Variants in GPD1L observed in about 807,000 individuals in gnomAD.
The protein encoded by GPD1L is glycerol-3-phosphate dehydrogenase 1-like protein.
GPD1L carries 17 observed loss-of-function variants against 32.9 expected under a neutral mutation model. That is an observed-to-expected ratio of 0.52 (90% CI 0.35 to 0.78). The LOEUF (loss-of-function observed/expected upper bound fraction) is 0.78, where lower values mean the gene tolerates loss of function less well. Ranked by LOEUF, GPD1L falls within the 30% of genes least tolerant of loss-of-function variation. GPD1L has a pLI of 0.01. For missense variants in GPD1L, 361 were observed against 447.8 expected (o/e 0.81, Z 1.75); for synonymous variants, 187 against 165.9 (o/e 1.13, Z -0.98).
chr3:32,153,292 C>G (rs1334372926), intron 5 of GPD1L, among the ~76,000 whole-genome samples: 1 of 152,170 alleles, frequency 6.6e-6, no homozygotes, highest in African/African-American at 2.4e-5. Flanking sequence ...ATGCTAGCCA[C>G]TAGACATATG....
chr3:32,133,875 C>T (rs919671291), intron 2 of GPD1L, among the ~76,000 whole-genome samples: 3 of 152,212 alleles, frequency 2.0e-5, no homozygotes, highest in Admixed American at 6.5e-5. Flanking sequence ...TCCACACAGA[C>T]TTCACCAGCT....
intron 5 of GPD1L, among the ~76,000 whole-genome samples, chr3:32,156,649 G>C (rs906756691): frequency 8.6e-5 from 13 of 151,970 alleles, no homozygotes; most frequent in African/African-American, 3.1e-4. Flanking sequence ...TTTGCGCCTC[G>C]GTCTTCTGGT....
chr3:32,106,697 A>C lies in GPD1L; in HGVS notation c.-15A>C, dbSNP rs375807694. ...CCAGGGAAGCACGGTCCAGGCGGCT[A>C]CATTCGGCCCGGCCATGGCAGCGGC... On this transcript the variant is annotated 5_prime_UTR_variant, in exon 1 of 8. Coordinates refer to ENST00000282541, the MANE Select transcript of GPD1L (RefSeq NM_015141.4). This position sits in a 1 kb window ranked among gnomAD's most constrained non-coding sequence, Gnocchi z 4.0. 5.1e-6 allele frequency: 8 copies of C among 1,556,328 alleles called. No individual in the cohort carries two copies. Among genetic ancestry groups the C allele is most frequent in the Non-Finnish European group, 6.9e-6 (8 of 1,152,670 alleles).
At chr3:32,114,228 G>A (rs77625235) in intron 1 of GPD1L, among the ~76,000 whole-genome samples, 12 of 152,220 alleles carry the variant, frequency 7.9e-5, no homozygotes, top group South Asian at 4.1e-4. Flanking sequence ...CGTGACAGGG[G>A]TGACCAGCCC....
At chr3:32,114,774 C>T (rs964371301) in intron 1 of GPD1L, among the ~76,000 whole-genome samples, 35 of 152,090 alleles carry the variant, frequency 2.3e-4, no homozygotes, top group African/African-American at 8.2e-4. Context: ...CAGATGTGTT[C>T]GGAGTTTCTT....
chr3:32,131,174 A>C (rs60875187), intron 2 of GPD1L, among the ~76,000 whole-genome samples: 35,213 of 152,070 alleles, frequency 0.23, 4,481 homozygotes, highest in East Asian at 0.48. Flanking sequence ...AGCTTCAGCC[A>C]GTGACACCAG....
intron 4 of GPD1L, among the ~76,000 whole-genome samples, chr3:32,143,711 C>T (rs7629649): frequency 0.058 from 8,846 of 151,720 alleles, 462 homozygotes; most frequent in East Asian, 0.14. Context: ...GGTGTGGTGG[C>T]GCACACCTGT....
At chr3:32,120,665 T>A (rs1575108741) in intron 1 of GPD1L, among the ~76,000 whole-genome samples, 1 of 152,254 alleles carries the variant, frequency 6.6e-6, no homozygotes, top group South Asian at 2.1e-4. Context: ...TCTCTCCTAG[T>A]CATTTACAAT....
chr3:32,132,892 G>A (rs1379670503), intron 2 of GPD1L, among the ~76,000 whole-genome samples: 6 of 152,154 alleles, frequency 3.9e-5, no homozygotes, highest in African/African-American at 1.4e-4. Context: ...GTTTACATAA[G>A]AATCATCAGA....
At chr3:32,145,581 G>GCT (rs1700807895) in intron 4 of GPD1L, among the ~76,000 whole-genome samples, 1 of 151,256 alleles carries the variant, frequency 6.6e-6, no homozygotes, top group Admixed American at 6.6e-5. Flanking sequence ...AGTGACTTGA[G>GCT]GGAGGGGCTG....
intron 5 of GPD1L, among the ~76,000 whole-genome samples, chr3:32,149,151 C>G (rs1271911276): frequency 2.0e-5 from 3 of 152,188 alleles, no homozygotes; most frequent in Non-Finnish European, 4.4e-5. Context: ...CCTCAGCCTC[C>G]CAAGCTCAAG....
chr3:32,120,042 C>T (rs2080497913), intron 1 of GPD1L, among the ~76,000 whole-genome samples: 1 of 152,104 alleles, frequency 6.6e-6, no homozygotes, highest in Non-Finnish European at 1.5e-5. Context: ...GTGAGCCTGC[C>T]GGCCGGACAC....
At chr3:32,118,346 C>G (rs1396222361) in intron 1 of GPD1L, among the ~76,000 whole-genome samples, 1 of 152,176 alleles carries the variant, frequency 6.6e-6, no homozygotes, top group Non-Finnish European at 1.5e-5. Context: ...TGTTGTGCAT[C>G]TACTATGTCA....
intron 7 of GPD1L, among the ~76,000 whole-genome samples, chr3:32,162,043 A>G (rs181112486): frequency 6.6e-6 from 1 of 152,162 alleles, no homozygotes; most frequent in East Asian, 1.9e-4. Context: ...CTCCATTGCT[A>G]TAGAAAAAAT....
chr3:32,163,776 C>T (rs537101086), intron 7 of GPD1L, among the ~76,000 whole-genome samples: 2 of 152,172 alleles, frequency 1.3e-5, no homozygotes, highest in African/African-American at 4.8e-5. Flanking sequence ...TGTTAACATC[C>T]CTTCCACAGA....
At chr3:32,116,474 A>G (rs9828086) in intron 1 of GPD1L, among the ~76,000 whole-genome samples, 62,333 of 151,546 alleles carry the variant, frequency 0.41, 14,496 homozygotes, top group East Asian at 0.64. Flanking sequence ...ATGGCAGATA[A>G]ATTTCATCTC....
intron 2 of GPD1L, among the ~76,000 whole-genome samples, chr3:32,136,072 A>G (rs566362943): frequency 6.6e-6 from 1 of 152,320 alleles, no homozygotes; most frequent in South Asian, 2.1e-4. Context: ...GTAACTAAAG[A>G]TCCAGGCAGT....
intron 1 of GPD1L, among the ~76,000 whole-genome samples, chr3:32,121,547 CTA>C (rs1253724980): frequency 1.6e-5 from 1 of 63,006 alleles, no homozygotes; most frequent in Non-Finnish European, 2.6e-5. Flanking sequence ...GTATATATTT[CTA>C]TATATATATT....
At chr3:32,113,290 A>G (rs1368102051) in intron 1 of GPD1L, among the ~76,000 whole-genome samples, 5 of 152,158 alleles carry the variant, frequency 3.3e-5, no homozygotes, top group Non-Finnish European at 5.9e-5. Flanking sequence ...AAATCTTAGG[A>G]AAATCTAAGC....
Sources: allele counts gnomAD v4.1 joint callset (sites outside exome capture counted in the v4.1 genomes callset), GRCh38; gene constraint gnomAD v4.1.1; non-coding constraint Gnocchi (gnomAD v3.1); transcripts MANE v1.5; gene names NCBI Gene and HGNC (gene_info 2026-07-23, HGNC 2026-07-21).